ZNF169: variants seen among roughly 807,000 people sequenced by gnomAD.
ZNF169 encodes zinc finger protein 169.
In ZNF169, 11 loss-of-function variants were observed where a neutral mutation model predicts 12.0. That is an observed-to-expected ratio of 0.92 (90% CI 0.58 to 1.52). The LOEUF (loss-of-function observed/expected upper bound fraction) is 1.52. ZNF169 is among the 40% of genes most tolerant of loss of function. The pLI, the probability that ZNF169 is intolerant of heterozygous loss-of-function variation, is 0.00. For synonymous variants in ZNF169, 302 were observed against 286.5 expected, an observed-to-expected ratio of 1.05 and a Z score of -0.55; for missense variants, 722 against 744.0, an observed-to-expected ratio of 0.97 and a Z score of 0.34.
At chr9:94,260,321 G>A (rs890094804) in intron 1 of ZNF169, among the ~76,000 whole-genome samples, 2 of 152,230 alleles carry the variant, frequency 1.3e-5, no homozygotes, top group Middle Eastern at 3.2e-3. Context: ...CCAAAGTACT[G>A]GGATTACAGG....
At chr9:94,277,357 A>G (rs577195929) in intron 1 of ZNF169, among the ~76,000 whole-genome samples, 2 of 152,272 alleles carry the variant, frequency 1.3e-5, no homozygotes, top group East Asian at 1.9e-4. Context: ...TTAGTTGATT[A>G]TATCTCTTGT....
chr9:94,292,248 C>G (rs1830856057), intron 2 of ZNF169, 93 bp from the exon 3 acceptor site: 11 of 1,607,608 alleles, frequency 6.8e-6, no homozygotes. Context: ...TGCTCTAGGA[C>G]TGCTTCTTTC....
chr9:94,294,747 A>G (rs1830917776), intron 4 of ZNF169: 2 of 152,278 alleles, frequency 1.3e-5, no homozygotes, highest in South Asian at 4.1e-4. Context: ...CTGTGATTTG[A>G]CCATTCAAGG....
intron 1 of ZNF169, among the ~76,000 whole-genome samples, chr9:94,265,062 G>T (rs1587667834): frequency 1.7e-5 from 2 of 120,110 alleles, no homozygotes; most frequent in Non-Finnish European, 1.7e-5. Flanking sequence ...AGGTACTTTG[G>T]GAATTGCCAG....
chr9:94,265,245 G>A (rs1394066645), intron 1 of ZNF169, among the ~76,000 whole-genome samples: 10 of 151,760 alleles, frequency 6.6e-5, no homozygotes, highest in East Asian at 1.9e-4. Flanking sequence ...TTCTGTAACC[G>A]GTTACAGGGA....
intron 2 of ZNF169, among the ~76,000 whole-genome samples, chr9:94,280,211 T>C (rs974686246): frequency 6.6e-6 from 1 of 152,210 alleles, no homozygotes; most frequent in African/African-American, 2.4e-5. Context: ...CTGAGAGCTG[T>C]GAGTCCCTTA....
chr9:94,280,741 G>GTTA (rs1464922881), intron 2 of ZNF169, among the ~76,000 whole-genome samples: 1 of 152,172 alleles, frequency 6.6e-6, no homozygotes, highest in African/African-American at 2.4e-5. Flanking sequence ...GGACCGCACA[G>GTTA]TCTAAGCTAA....
intron 1 of ZNF169, among the ~76,000 whole-genome samples, chr9:94,270,838 TA>T (rs1410715786): frequency 6.7e-4 from 7 of 10,518 alleles, no homozygotes; most frequent in Non-Finnish European, 1.8e-3. Context: ...AAAATATATA[TA>T]TTATATTATA....
chr9:94,276,773 G>GCTAT (rs1830528145), intron 1 of ZNF169, among the ~76,000 whole-genome samples: 1 of 151,998 alleles, frequency 6.6e-6, no homozygotes, highest in Non-Finnish European at 1.5e-5. Flanking sequence ...TGTTTTTAGT[G>GCTAT]CTATCCATTT....
intron 1 of ZNF169, among the ~76,000 whole-genome samples, chr9:94,273,579 CTTTTT>C (rs56165942): frequency 8.4e-6 from 1 of 119,168 alleles, no homozygotes. Flanking sequence ...TTCTTTCTTT[CTTTTT>C]TTTTTTTTTT....
In ZNF169 at chr9:94,260,176, C is replaced by T. The variant is rs1006862189; in HGVS notation, c.-56+831C>T. Among the ~76,000 whole-genome samples the T allele has an allele frequency of 4.1e-4, 63 of 152,116 alleles. 1 individual carries two copies. The highest frequency in any genetic ancestry group is 1.5e-3 in the African/African-American group (61 of 41,402). The stretch of plus-strand genomic sequence containing the variant: ...GGCGTGATTCCCCTGCCTCAGGCTC[C>T]CGAGTAGCTGGGACTACAGGCGCAC... On this transcript the variant is annotated intron_variant, in intron 1 of 4. Coordinates refer to ENST00000395395, the MANE Select transcript of ZNF169 (RefSeq NM_194320.4).
intron 1 of ZNF169, among the ~76,000 whole-genome samples, chr9:94,275,118 C>T (rs976957103): frequency 3.9e-5 from 6 of 152,064 alleles, no homozygotes; most frequent in Non-Finnish European, 5.9e-5. Context: ...ACATCTGTAG[C>T]CACAGCTACT....
At chr9:94,271,404 A>C (rs554224187) in intron 1 of ZNF169, among the ~76,000 whole-genome samples, 42 of 151,992 alleles carry the variant, frequency 2.8e-4, no homozygotes, top group Middle Eastern at 6.8e-3. Flanking sequence ...TCATTTTGTT[A>C]ATGCAAGTAA....
At chr9:94,260,850 TCAC>T (rs1830191729) in intron 1 of ZNF169, among the ~76,000 whole-genome samples, 1 of 108,668 alleles carries the variant, frequency 9.2e-6, no homozygotes, top group Non-Finnish European at 1.8e-5. Context: ...AGATGAAGTC[TCAC>T]TCTGTCGCCC....
chr9:94,300,375 C>T lies in ZNF169; in HGVS notation c.817C>T (p.Gln273Ter). ...LCPECGRRFS[Q>*]KASLSIHQRK... ...TCCTGAGTGTGGGCGTCGGTTTAGC[C>T]AGAAGGCCTCCCTCTCCATACACCA... The change falls in exon 5 of 5, where the codon CAG becomes TAG. Residue 273 changes from glutamine (Q) to a stop codon, truncating the protein, a stop_gained. Transcript: ENST00000395395. LOFTEE classifies it low-confidence loss of function (END_TRUNC). The T allele has an allele frequency of 6.2e-7, 1 of 1,613,834 alleles. No homozygotes were observed. The highest frequency in any genetic ancestry group is 8.5e-7 in the Non-Finnish European group (1 of 1,179,928).
chr9:94,299,679 T>C, intron 4 of ZNF169, 136 bp from the exon 5 acceptor site: 1 of 1,444,446 alleles, frequency 6.9e-7, no homozygotes, highest in South Asian at 1.5e-5. Context: ...TTTTCTGTGC[T>C]GCAATAGAGC....
At chr9:94,287,631 T>C (rs571023402) in intron 2 of ZNF169, 1 of 648,054 alleles carries the variant, frequency 1.5e-6, no homozygotes, top group Non-Finnish European at 2.8e-6. Flanking sequence ...CCCAAAGTGC[T>C]GGGATTACAG....
rs1377406818 is a variant in ZNF169, at chr9:94,301,826, C to T, written c.*456C>T. 6.6e-6 allele frequency among the ~76,000 whole-genome samples: 1 copy of T among 152,208 alleles called. No individual in the cohort carries two copies. Among genetic ancestry groups the T allele is most frequent in the East Asian group, 1.9e-4 (1 of 5,200 alleles). Reference sequence around the variant, plus strand: ...TTAATAACCTTCCTAAAGGCCTTATCTCTAGATACAGTCACACTACACAGT... The same window carrying T: ...TTAATAACCTTCCTAAAGGCCTTATTTCTAGATACAGTCACACTACACAGT... On this transcript the variant is annotated 3_prime_UTR_variant, in exon 5 of 5. Transcript: ENST00000395395.
intron 4 of ZNF169, among the ~76,000 whole-genome samples, chr9:94,298,829 T>A (rs1210120415): frequency 2.0e-5 from 3 of 152,152 alleles, no homozygotes; most frequent in African/African-American, 7.2e-5. Flanking sequence ...GAGCCTTTAA[T>A]TTATACCATC....
Sources: allele counts gnomAD v4.1 joint callset (sites outside exome capture counted in the v4.1 genomes callset), GRCh38; gene constraint gnomAD v4.1.1; transcripts MANE v1.5; gene names NCBI Gene and HGNC (gene_info 2026-07-23, HGNC 2026-07-21).